The following LYPD6B variants were observed in gnomAD, a reference collection of about 807,000 sequenced individuals.
LYPD6B encodes LY6/PLAUR domain containing 6B, also known as ly6/PLAUR domain-containing protein 6B.
In LYPD6B, 17 loss-of-function variants were observed where a neutral mutation model predicts 22.8. That is an observed-to-expected ratio of 0.75 (90% CI 0.51 to 1.12). LYPD6B has a LOEUF of 1.12. LYPD6B is among the 50% of genes most tolerant of loss of function. The pLI is 0.00. For synonymous variants in LYPD6B, 106 were observed against 91.6 expected, an observed-to-expected ratio of 1.16 and a Z score of -0.90; for missense variants, 221 against 258.3, an observed-to-expected ratio of 0.86 and a Z score of 0.99.
intron 3 of LYPD6B, among the ~76,000 whole-genome samples, chr2:149,165,183 C>G (rs1056693309): frequency 2.0e-5 from 3 of 152,082 alleles, no homozygotes; most frequent in Non-Finnish European, 4.4e-5. Context: ...AACTTTCTGG[C>G]AAGAGGACAA....
intron 1 of LYPD6B, among the ~76,000 whole-genome samples, chr2:149,062,236 C>T (rs183428588): frequency 9.6e-4 from 146 of 152,332 alleles, no homozygotes; most frequent in Middle Eastern, 3.4e-3. Flanking sequence ...ATCCACCTGC[C>T]TCGGCCTCCC....
At chr2:149,102,986 C>T (rs114579028) in intron 1 of LYPD6B, among the ~76,000 whole-genome samples, 280 of 152,258 alleles carry the variant, frequency 1.8e-3, no homozygotes, top group African/African-American at 6.5e-3. Flanking sequence ...CCTCTGTGTC[C>T]GTGTCCTTCA....
intron 3 of LYPD6B, among the ~76,000 whole-genome samples, chr2:149,200,314 AC>A (rs1693068311): frequency 6.6e-6 from 1 of 152,124 alleles, no homozygotes; most frequent in African/African-American, 2.4e-5. Context: ...AGCATTTGCC[AC>A]CTTTGTTTAG....
chr2:149,125,327 A>G (rs1372132527), intron 1 of LYPD6B, among the ~76,000 whole-genome samples: 2 of 152,328 alleles, frequency 1.3e-5, no homozygotes, highest in Non-Finnish European at 1.5e-5. Flanking sequence ...CTCTCTAGAC[A>G]CAGCTGAAAG....
intron 3 of LYPD6B, among the ~76,000 whole-genome samples, chr2:149,164,653 C>G (rs975500795): frequency 6.6e-6 from 1 of 152,294 alleles, no homozygotes; most frequent in East Asian, 1.9e-4. Flanking sequence ...TCTAACTTGG[C>G]ACCCTACCTT....
Position 149,193,436 on chromosome 2 carries a change from A to G in LYPD6B, c.78-11817A>G, listed in dbSNP as rs1453399565. On this transcript the variant is annotated intron_variant, in intron 3 of 6. Transcript: ENST00000409642. ...AGTACAGAATATGAATGAGATCTCA[A>G]TGTGTGTTTCCAGCTGAACTTCTTT... Among the ~76,000 whole-genome samples, 6 of 152,132 alleles carry G rather than the reference A, an allele frequency of 3.9e-5. No homozygotes were observed. In the East Asian group the frequency reaches 1.2e-3, roughly 29 times the overall value.
intron 2 of LYPD6B, among the ~76,000 whole-genome samples, chr2:149,144,121 G>GACTT (rs902172545): frequency 6.6e-6 from 1 of 152,194 alleles, no homozygotes; most frequent in African/African-American, 2.4e-5. Context: ...AATAAATGAT[G>GACTT]ACTTCTGCCT....
chr2:149,193,010 C>G (rs750006295), intron 3 of LYPD6B, among the ~76,000 whole-genome samples: 1 of 152,078 alleles, frequency 6.6e-6, no homozygotes, highest in Non-Finnish European at 1.5e-5. Context: ...CAGCAGAAGA[C>G]AGTTGCCAGA....
At chr2:149,148,933 A>G (rs1306901700) in intron 2 of LYPD6B, among the ~76,000 whole-genome samples, 2 of 152,158 alleles carry the variant, frequency 1.3e-5, no homozygotes, top group East Asian at 1.9e-4. Context: ...TGAATCAAAT[A>G]CATACCTGGA....
At chr2:149,188,142 A>C (rs556549325) in intron 3 of LYPD6B, among the ~76,000 whole-genome samples, 2 of 152,172 alleles carry the variant, frequency 1.3e-5, no homozygotes, top group Non-Finnish European at 2.9e-5. Flanking sequence ...ACCTGTATGG[A>C]TGTTGTGAAG....
chr2:149,182,366 G>C (rs971945171), intron 3 of LYPD6B, among the ~76,000 whole-genome samples: 2 of 152,096 alleles, frequency 1.3e-5, no homozygotes, highest in African/African-American at 4.8e-5. Context: ...TACGTACTTC[G>C]TATAGATCTG....
At chr2:149,147,002 T>C (rs193168319) in intron 2 of LYPD6B, among the ~76,000 whole-genome samples, 5 of 152,260 alleles carry the variant, frequency 3.3e-5, no homozygotes, top group Admixed American at 2.6e-4. Flanking sequence ...ATCCCTCCAG[T>C]GGGATTGCTG....
intron 5 of LYPD6B, among the ~76,000 whole-genome samples, chr2:149,211,201 C>T (rs1693830282): frequency 6.6e-6 from 1 of 152,108 alleles, no homozygotes; most frequent in South Asian, 2.1e-4. Context: ...CATGAAGGAT[C>T]CACCCCCATG....
rs554343931 is a variant in LYPD6B, at chr2:149,052,628, G to T, written c.-67+13827G>T. Reference sequence around the variant, plus strand: ...TTCCCCACCAACCACAGCTCGGTGGGTGCAGAGGTGTTGCCTGGGCAAAGG... The same window carrying T: ...TTCCCCACCAACCACAGCTCGGTGGTTGCAGAGGTGTTGCCTGGGCAAAGG... On this transcript the variant is annotated intron_variant, in intron 1 of 6. Coordinates refer to ENST00000409642, the MANE Select transcript of LYPD6B (RefSeq NM_177964.5). 3.9e-5 allele frequency among the ~76,000 whole-genome samples: 6 copies of T among 152,178 alleles called. No homozygotes were observed. In the East Asian group the frequency reaches 1.2e-3, roughly 29 times the overall value.
At chr2:149,189,616 T>C (rs1464136886) in intron 3 of LYPD6B, among the ~76,000 whole-genome samples, 1 of 151,858 alleles carries the variant, frequency 6.6e-6, no homozygotes, top group African/African-American at 2.4e-5. Flanking sequence ...GAAGTGCTGC[T>C]AATAGCCAGC....
intron 1 of LYPD6B, among the ~76,000 whole-genome samples, chr2:149,099,283 G>A (rs1686075344): frequency 6.6e-6 from 1 of 152,160 alleles, no homozygotes; most frequent in Admixed American, 6.5e-5. Context: ...AGATTTTACT[G>A]AGCATCCTAT....
intron 2 of LYPD6B, among the ~76,000 whole-genome samples, chr2:149,132,441 A>G (rs989484325): frequency 3.3e-5 from 5 of 151,774 alleles, no homozygotes; most frequent in African/African-American, 1.2e-4. Flanking sequence ...TTTCTCTAGG[A>G]AAGGGGTTAG....
intron 1 of LYPD6B, among the ~76,000 whole-genome samples, chr2:149,128,387 A>C (rs1687828741): frequency 6.6e-6 from 1 of 152,228 alleles, no homozygotes; most frequent in Admixed American, 6.5e-5. Context: ...TATAGATCCA[A>C]ATCATGGACT....
chr2:149,118,263 A>G (rs895695437), intron 1 of LYPD6B: 3 of 152,234 alleles, frequency 2.0e-5, no homozygotes, highest in Non-Finnish European at 4.4e-5. Context: ...GCTGGGTACC[A>G]TGGTAACCAA....
Sources: gnomAD v4.1 joint callset for allele counts (sites outside exome capture counted in the v4.1 genomes callset) on GRCh38, gnomAD v4.1.1 for gene constraint, MANE v1.5 for transcripts, NCBI Gene and HGNC (gene_info 2026-07-23, HGNC 2026-07-21) for gene names.